GAS7: variants seen among roughly 807,000 people sequenced by gnomAD.
GAS7 encodes growth arrest-specific protein 7.
Under a neutral mutation model 71.1 loss-of-function variants are expected in GAS7, and 28 were observed. The observed-to-expected ratio is 0.39, with a 90% CI of 0.29 to 0.54. The LOEUF is 0.54. Ranked by LOEUF, GAS7 falls within the 20% of genes least tolerant of loss-of-function variation. GAS7 has a pLI of 0.62. For synonymous variants in GAS7, 258 were observed against 245.8 expected (o/e 1.05, Z -0.46); for missense variants, 436 against 627.8 (o/e 0.69, Z 3.27).
chr17:10,164,857 A>AAG (rs2142123245), intron 1 of GAS7, among the ~76,000 whole-genome samples: 1 of 149,818 alleles, frequency 6.7e-6, no homozygotes, highest in African/African-American at 2.4e-5. Flanking sequence ...GGAAAAAAAA[A>AAG]AAAAAAAAAG....
At chr17:10,095,657 C>T (rs1246732744) in intron 1 of GAS7, among the ~76,000 whole-genome samples, 4 of 151,624 alleles carry the variant, frequency 2.6e-5, no homozygotes, top group Non-Finnish European at 5.9e-5. Context: ...CTGTCTCTTC[C>T]AAAAATACAA....
intron 5 of GAS7, among the ~76,000 whole-genome samples, chr17:9,956,436 C>T (rs1298483636): frequency 2.0e-5 from 3 of 152,168 alleles, no homozygotes; most frequent in South Asian, 2.1e-4. Context: ...CCAAATTCCT[C>T]TTTCCAGGTG....
At chr17:10,056,724 G>T (rs1353719005) in intron 1 of GAS7, among the ~76,000 whole-genome samples, 1 of 151,736 alleles carries the variant, frequency 6.6e-6, no homozygotes, top group Non-Finnish European at 1.5e-5. Flanking sequence ...ACAAAAATTA[G>T]CTCCCTCTCC....
At chr17:10,035,249 C>T (rs1464283350) in intron 1 of GAS7, among the ~76,000 whole-genome samples, 1 of 152,124 alleles carries the variant, frequency 6.6e-6, no homozygotes, top group Admixed American at 6.5e-5. Context: ...GGCAGCCACA[C>T]CTTGGTCAGA....
In GAS7 at chr17:9,919,186, C is replaced by CT. The variant is rs1391713441; in HGVS notation, c.1218+439_1218+440insA. Among the ~76,000 whole-genome samples, 2 of 151,988 alleles carry CT rather than the reference C, an allele frequency of 1.3e-5. No homozygotes were observed. Among genetic ancestry groups the CT allele is most frequent in the Non-Finnish European group, 2.9e-5 (2 of 67,962 alleles). ...GTTCACCCTTGGTGAGAGGCCTCCCCCACCCCACTGCCTAGCTCCATCCTC... is the reference window on the plus strand; with the variant it reads ...GTTCACCCTTGGTGAGAGGCCTCCCCTCACCCCACTGCCTAGCTCCATCCTC... On this transcript the variant is annotated intron_variant, in intron 12 of 13. Coordinates refer to ENST00000432992, the MANE Select transcript of GAS7 (RefSeq NM_201433.2). This position sits in a 1 kb window ranked among gnomAD's most constrained non-coding sequence, Gnocchi z 5.0.
chr17:9,976,018 G>A (rs1446797032), intron 3 of GAS7, among the ~76,000 whole-genome samples: 1 of 152,208 alleles, frequency 6.6e-6, no homozygotes, highest in East Asian at 1.9e-4. Flanking sequence ...TGGTCACCAT[G>A]CTCACCTTCT....
At chr17:10,058,980 C>T (rs539016413) in intron 1 of GAS7, among the ~76,000 whole-genome samples, 1 of 152,224 alleles carries the variant, frequency 6.6e-6, no homozygotes, top group Non-Finnish European at 1.5e-5. Flanking sequence ...GCTTGCAAAA[C>T]CAGAAAGGAA....
At chr17:10,045,060 A>T (rs2072930738) in intron 1 of GAS7, among the ~76,000 whole-genome samples, 1 of 148,826 alleles carries the variant, frequency 6.7e-6, no homozygotes, top group East Asian at 2.0e-4. Flanking sequence ...AAAAAAAAAA[A>T]GTGTCCAAGT....
At chr17:10,095,446 G>A (rs998838914) in intron 1 of GAS7, among the ~76,000 whole-genome samples, 1 of 152,276 alleles carries the variant, frequency 6.6e-6, no homozygotes, top group Admixed American at 6.5e-5. Flanking sequence ...ACAGGCGTGA[G>A]TCACCACGGC....
chr17:9,917,491 C>A (rs1282785369), intron 13 of GAS7, 150 bp from the exon 14 acceptor site: 1 of 635,870 alleles, frequency 1.6e-6, no homozygotes, highest in Admixed American at 2.5e-5. Context: ...ATCTGAGGGA[C>A]AGCACATGAA....
intron 1 of GAS7, among the ~76,000 whole-genome samples, chr17:10,150,415 T>TACACACAC (rs3051267): frequency 1.6e-4 from 24 of 145,806 alleles, no homozygotes; most frequent in African/African-American, 4.6e-4. Context: ...ACTGGTTAAG[T>TACACACAC]ACACACACAC....
chr17:10,089,058 G>C (rs1220573233), intron 1 of GAS7, among the ~76,000 whole-genome samples: 4 of 152,048 alleles, frequency 2.6e-5, no homozygotes, highest in African/African-American at 4.8e-5. Context: ...CTACTCAGGA[G>C]ACTGAGGCAG....
intron 1 of GAS7, among the ~76,000 whole-genome samples, chr17:10,081,200 G>A (rs1218317687): frequency 6.6e-6 from 1 of 152,194 alleles, no homozygotes; most frequent in Non-Finnish European, 1.5e-5. Flanking sequence ...TGTTGCCTAG[G>A]CTGGAGTGCG....
intron 2 of GAS7, among the ~76,000 whole-genome samples, chr17:9,984,408 T>C (rs1342099516): frequency 1.3e-5 from 2 of 152,086 alleles, no homozygotes; most frequent in East Asian, 1.9e-4. Context: ...TCCCTTCATG[T>C]CTTAAGGGAG....
chr17:9,930,064 G>A (rs2068154689), intron 9 of GAS7, among the ~76,000 whole-genome samples: 1 of 152,246 alleles, frequency 6.6e-6, no homozygotes, highest in Non-Finnish European at 1.5e-5. Flanking sequence ...TTTTCAGACG[G>A]TGTGCGGCCG....
chr17:9,988,259 C>G (rs1353630861), intron 2 of GAS7, among the ~76,000 whole-genome samples: 1 of 152,168 alleles, frequency 6.6e-6, no homozygotes, highest in African/African-American at 2.4e-5. Flanking sequence ...TAGCTATGGC[C>G]AGGTTTTTCT....
intron 1 of GAS7, among the ~76,000 whole-genome samples, chr17:10,099,325 T>C (rs2073675481): frequency 6.6e-6 from 1 of 152,120 alleles, no homozygotes; most frequent in South Asian, 2.1e-4. Flanking sequence ...CACATGGCCC[T>C]GTGAGGCTTC....
chr17:9,985,226 C>A (rs1399181500), intron 2 of GAS7, among the ~76,000 whole-genome samples: 1 of 152,182 alleles, frequency 6.6e-6, no homozygotes, highest in African/African-American at 2.4e-5. Context: ...GGACCACTCA[C>A]CCTAGAGCCC....
chr17:9,964,826 C>T (rs1279818383), intron 4 of GAS7, among the ~76,000 whole-genome samples: 6 of 152,138 alleles, frequency 3.9e-5, no homozygotes, highest in African/African-American at 7.2e-5. Context: ...TGACAAAGAC[C>T]GAAATTGCTC....
Sources: gnomAD v4.1 joint callset for allele counts (sites outside exome capture counted in the v4.1 genomes callset) on GRCh38, gnomAD v4.1.1 for gene constraint, Gnocchi (gnomAD v3.1) non-coding constraint, MANE v1.5 for transcripts, NCBI Gene and HGNC (gene_info 2026-07-23, HGNC 2026-07-21) for gene names.